DIPK1A: variants seen among roughly 807,000 people sequenced by gnomAD.
DIPK1A encodes the protein family with sequence similarity 69 member A.
A neutral mutation model predicts 40.8 loss-of-function variants in DIPK1A; 27 were observed. The ratio of observed to expected loss-of-function variants is 0.66; its 90% CI spans 0.49 to 0.91. DIPK1A has a LOEUF of 0.91. Among genes scored for constraint, DIPK1A ranks in the 40% least tolerant of loss-of-function variants. DIPK1A has a pLI of 0.00. For synonymous variants in DIPK1A, 166 were observed against 171.3 expected, an observed-to-expected ratio of 0.97 and a Z score of 0.24; for missense variants, 412 against 505.7, an observed-to-expected ratio of 0.81 and a Z score of 1.78.
chr1:92,841,750 T>C (rs1687373593), downstream of DIPK1A: 2 of 1,559,970 alleles, frequency 1.3e-6, no homozygotes, highest in African/African-American at 2.7e-5. Context: ...AAAATATATA[T>C]TCCTATCTTT....
At position 92,866,931 on chromosome 1, in the gene DIPK1A, T is replaced by C. The variant is rs193162951; in HGVS notation, c.189+9365A>G. On this transcript the variant is annotated intron_variant, in intron 2 of 4. Transcript: ENST00000370310. ...TATCACTTTTGCTTCTCTGATTGAA[T>C]CCTGACTGATACACCTGATTAAATA... Among the ~76,000 whole-genome samples, 269 of 152,288 alleles carry C rather than the reference T, an allele frequency of 1.8e-3. 2 individuals carry two copies. The highest frequency in any genetic ancestry group is 6.1e-3 in the African/African-American group (254 of 41,562).
intron 1 of DIPK1A, among the ~76,000 whole-genome samples, chr1:92,949,282 C>CT (rs981070129): frequency 5.3e-5 from 8 of 149,912 alleles, no homozygotes; most frequent in African/African-American, 7.3e-5. Flanking sequence ...TCAAATAATT[C>CT]TTTTTTTTTG....
At chr1:92,903,114 G>C (rs1649484141) in intron 1 of DIPK1A, among the ~76,000 whole-genome samples, 2 of 152,016 alleles carry the variant, frequency 1.3e-5, no homozygotes, top group South Asian at 4.1e-4. Flanking sequence ...GAATGCAGTG[G>C]CTTACTGCAG....
intron 1 of DIPK1A, among the ~76,000 whole-genome samples, chr1:92,904,196 T>C (rs1173562272): frequency 6.6e-6 from 1 of 152,320 alleles, no homozygotes; most frequent in East Asian, 1.9e-4. Context: ...AACAGCTGAC[T>C]TACAAAGAAA....
In DIPK1A at chr1:92,934,908, C is replaced by T. The variant is rs531821386; in HGVS notation, c.54+26468G>A. On this transcript the variant is annotated intron_variant, in intron 1 of 4. Coordinates refer to ENST00000370310, the MANE Select transcript of DIPK1A (RefSeq NM_001006605.5). ...TGGAGATTGATTGCTGGCTGGCTGG[C>T]GGGCCTGTGGTTACTTACTAGCGTC... Among the ~76,000 whole-genome samples, 10 of 152,228 alleles carry T rather than the reference C, an allele frequency of 6.6e-5. No individual in the cohort carries two copies. In the South Asian group the frequency reaches 2.1e-3, roughly 32 times the overall value.
rs544290414 is a variant in DIPK1A, at chr1:92,922,066, C to G, written c.54+39310G>C. Among the ~76,000 whole-genome samples, 50 of 152,142 alleles carry G rather than the reference C, an allele frequency of 3.3e-4. 1 individual carries two copies. Among genetic ancestry groups the G allele is most frequent in the Non-Finnish European group, 2.4e-4 (16 of 67,996 alleles). ...AATGTTCCTTTTTACATTGTTTAAG[C>G]TAATACTACTATTTAAATAATATTT... On this transcript the variant is annotated intron_variant, in intron 1 of 4. Coordinates refer to ENST00000370310, the MANE Select transcript of DIPK1A (RefSeq NM_001006605.5).
intron 1 of DIPK1A, among the ~76,000 whole-genome samples, chr1:92,913,375 G>GA (rs11423956): frequency 0.35 from 51,540 of 148,586 alleles, 9,172 homozygotes; most frequent in Non-Finnish European, 0.37. Context: ...ACCATGATGT[G>GA]AAAAAAAAAA....
chr1:92,837,704 C>T (rs1687183016), downstream of DIPK1A: 2 of 1,288,124 alleles, frequency 1.6e-6, no homozygotes, highest in South Asian at 1.2e-5. Flanking sequence ...GTTTTGGGGG[C>T]AGGTAACATT....
chr1:92,846,823 A>ATATATATATATGTGTG lies in DIPK1A; in HGVS notation c.474+359_474+360insCACACATATATATATA, dbSNP rs1687629878. On this transcript the variant is annotated intron_variant, in intron 4 of 4. Transcript: ENST00000370310. ...TATATATATATATATATATATATAT[A>ATATATATATATGTGTG]TATATATATATATATATATGTGTGT... Among the ~76,000 whole-genome samples the ATATATATATATGTGTG allele has an allele frequency of 4.3e-3, 17 of 3,912 alleles. 4 individuals carry two copies. Among genetic ancestry groups the ATATATATATATGTGTG allele is most frequent in the African/African-American group, 0.022 (15 of 696 alleles). 2.6% of individuals were successfully genotyped at this position (3,912 alleles called of 152,430 possible).
At chr1:92,956,743 C>T (rs144088890) in intron 1 of DIPK1A, among the ~76,000 whole-genome samples, 101 of 152,276 alleles carry the variant, frequency 6.6e-4, no homozygotes, top group African/African-American at 2.4e-3. Flanking sequence ...TAATACGAGC[C>T]AAAGTGCCAG....
At chr1:92,874,823 T>C (rs1237621478) in intron 2 of DIPK1A, among the ~76,000 whole-genome samples, 1 of 152,204 alleles carries the variant, frequency 6.6e-6, no homozygotes, top group Non-Finnish European at 1.5e-5. Context: ...TCCATCATCT[T>C]GGGCAAATTC....
At chr1:92,888,487 T>C (rs1313407273) in intron 1 of DIPK1A, among the ~76,000 whole-genome samples, 1 of 152,180 alleles carries the variant, frequency 6.6e-6, no homozygotes, top group East Asian at 1.9e-4. Context: ...AGTGCTACAA[T>C]AAATATAAGA....
rs138423651 is a variant in DIPK1A at position 92,887,619 on chromosome 1, T to C, written c.55-11189A>G. ...AAGCCTAGAATAGTGGAACTCCAGC[T>C]GACCTGTAGATGTGTGATTGAGAAA... On this transcript the variant is annotated intron_variant, in intron 1 of 4. Transcript: ENST00000370310. Among the ~76,000 whole-genome samples, 3 of 152,344 alleles carry C rather than the reference T, an allele frequency of 2.0e-5. No homozygotes were observed. In the East Asian group the frequency reaches 5.8e-4, roughly 29 times the overall value.
At chr1:92,898,612 C>G (rs2100817101) in intron 1 of DIPK1A, among the ~76,000 whole-genome samples, 1 of 152,224 alleles carries the variant, frequency 6.6e-6, no homozygotes, top group South Asian at 2.1e-4. Flanking sequence ...GTAGCTGGGA[C>G]TATAGGTGTG....
At chr1:92,915,083 C>CAAA (rs10583235) in intron 1 of DIPK1A, among the ~76,000 whole-genome samples, 14 of 80,076 alleles carry the variant, frequency 1.7e-4, no homozygotes, top group African/African-American at 7.2e-4. Flanking sequence ...GCAAGACTGT[C>CAAA]AAAAAAAAAA....
rs1323719222 is a variant in DIPK1A, at chr1:92,947,206, T to A, written c.54+14170A>T. On this transcript the variant is annotated intron_variant, in intron 1 of 4. Transcript: ENST00000370310. ...ATTTTTCAAGGCGGGGAAATACTTATAATAATACATCAAAATACAGAAAAT... is the reference window on the plus strand; with the variant it reads ...ATTTTTCAAGGCGGGGAAATACTTAAAATAATACATCAAAATACAGAAAAT... Among the ~76,000 whole-genome samples the A allele has an allele frequency of 1.4e-4, 21 of 152,252 alleles. 1 individual carries two copies. In the East Asian group the frequency reaches 4.0e-3, roughly 29 times the overall value.
intron 2 of DIPK1A, among the ~76,000 whole-genome samples, chr1:92,867,502 T>G (rs538587612): frequency 6.6e-6 from 1 of 151,928 alleles, no homozygotes; most frequent in African/African-American, 2.4e-5. Context: ...ATATAAACTT[T>G]GTTGTTGTTG....
chr1:92,842,485 AC>A lies in DIPK1A; in HGVS notation c.*897del, dbSNP rs981690697. 2.4e-5 allele frequency: 24 copies of A among 979,658 alleles called. No homozygotes were observed. Among genetic ancestry groups the A allele is most frequent in the South Asian group, 9.4e-5 (2 of 21,174 alleles). The allele number at this position is 979,658 out of a possible 1,614,324, so 60.7% of individuals were successfully genotyped here. A position where few individuals can be genotyped will look rare whatever the true frequency, so the allele number is the denominator to read the frequency against. On this transcript the variant is annotated 3_prime_UTR_variant, in exon 5 of 5. Transcript: ENST00000370310. ...ATATCAAGTTTACATGGGGAAAAAA[AC>A]ATTAGATAAATAAATACATTTACAT...
At chr1:92,841,959 T>G (rs188851753), downstream of DIPK1A, 2 of 1,058,378 alleles carry the variant, frequency 1.9e-6, no homozygotes, top group Non-Finnish European at 2.8e-6. Flanking sequence ...ATGAACCTTA[T>G]AGGAAATACC....
Sources: allele counts gnomAD v4.1 joint callset (sites outside exome capture counted in the v4.1 genomes callset), GRCh38; gene constraint gnomAD v4.1.1; transcripts MANE v1.5; gene names NCBI Gene and HGNC (gene_info 2026-07-23, HGNC 2026-07-21).